SLMAP: variants seen among roughly 807,000 people sequenced by gnomAD.
SLMAP encodes sarcolemmal membrane-associated protein.
SLMAP carries 44 observed loss-of-function variants against 128.8 expected under a neutral mutation model. The observed-to-expected ratio is 0.34, with a 90% confidence interval of 0.27 to 0.44. The LOEUF is 0.44. Among genes scored for constraint, SLMAP ranks in the 20% least tolerant of loss-of-function variants. The pLI, the probability that SLMAP is intolerant of heterozygous loss-of-function variation, is 1.00. For synonymous variants in SLMAP, 327 were observed against 348.8 expected (o/e 0.94, Z 0.70); for missense variants, 787 against 985.3 (o/e 0.80, Z 2.69).
chr3:57,804,610 T>C (rs1347816527), intron 2 of SLMAP, among the ~76,000 whole-genome samples: 1 of 151,962 alleles, frequency 6.6e-6, no homozygotes, highest in Admixed American at 6.6e-5. Context: ...CTGAGTGTAG[T>C]GTTGTGCACT....
intron 3 of SLMAP, among the ~76,000 whole-genome samples, chr3:57,836,669 G>A (rs757512672): frequency 1.3e-5 from 2 of 152,166 alleles, no homozygotes; most frequent in Non-Finnish European, 2.9e-5. Flanking sequence ...GGCATTCTTT[G>A]TGTATGGCTT....
chr3:57,893,022 A>G (rs1196849075), intron 15 of SLMAP, among the ~76,000 whole-genome samples: 2 of 151,388 alleles, frequency 1.3e-5, no homozygotes, highest in Admixed American at 1.3e-4. Context: ...TTTAGTAGAG[A>G]TGGAGTTTCA....
At chr3:57,785,151 T>C (rs1346050043) in intron 2 of SLMAP, among the ~76,000 whole-genome samples, 3 of 152,354 alleles carry the variant, frequency 2.0e-5, no homozygotes, top group Middle Eastern at 6.8e-3. Context: ...AAACGTTTAC[T>C]TGGTTTTAGA....
chr3:57,904,554 G>A (rs1384505084), intron 17 of SLMAP, among the ~76,000 whole-genome samples: 1 of 152,134 alleles, frequency 6.6e-6, no homozygotes, highest in East Asian at 1.9e-4. Context: ...ATTAACATGG[G>A]TACATTACTA....
At chr3:57,793,079 CA>C (rs2085891443) in intron 2 of SLMAP, among the ~76,000 whole-genome samples, 1 of 151,858 alleles carries the variant, frequency 6.6e-6, no homozygotes, top group South Asian at 2.1e-4. Flanking sequence ...GCCGAAGTTG[CA>C]GTGAGCCAAG....
intron 21 of SLMAP, among the ~76,000 whole-genome samples, chr3:57,916,110 C>G (rs892645938): frequency 1.3e-5 from 2 of 149,836 alleles, no homozygotes; most frequent in African/African-American, 4.9e-5. Context: ...GAGCCGAGAT[C>G]ACACCATTGC....
chr3:57,757,603 G>A lies in SLMAP; in HGVS notation c.-49G>A. The A allele has an allele frequency of 1.3e-6, 2 of 1,589,180 alleles. No individual in the cohort carries two copies. The highest frequency in any genetic ancestry group is 1.7e-6 in the Non-Finnish European group (2 of 1,160,450). ...TTGTGAAGGGCAGTCCGGATCCGGA[G>A]GAACTCCTCTTTGTCCCTGGTAGGA... is the stretch of plus-strand genomic sequence containing the variant. On this transcript the variant is annotated 5_prime_UTR_variant, in exon 2 of 25. Transcript: ENST00000671191.
At chr3:57,806,716 A>G (rs1296934254) in intron 2 of SLMAP, among the ~76,000 whole-genome samples, 2 of 152,180 alleles carry the variant, frequency 1.3e-5, no homozygotes, top group Non-Finnish European at 2.9e-5. Context: ...CAGGGACCAC[A>G]GGCATGAGCC....
In SLMAP at chr3:57,927,436, C is replaced by T. The variant is rs1254789053; in HGVS notation, c.*147C>T. On this transcript the variant is annotated 3_prime_UTR_variant, in exon 25 of 25. Transcript: ENST00000671191. ...CCGTCCTCCCTCTAGAAGCTGGCAT[C>T]ACACTCATGCTGGGGACAAACAGAA... 2 of 1,164,998 alleles carry T rather than the reference C, an allele frequency of 1.7e-6. No homozygotes were observed. Among genetic ancestry groups the T allele is most frequent in the African/African-American group, 1.5e-5 (1 of 66,826 alleles). The allele number at this position is 1,164,998 out of a possible 1,614,324, so 72.2% of individuals were successfully genotyped here. A position where few individuals can be genotyped will look rare whatever the true frequency, so the allele number is the denominator to read the frequency against.
chr3:57,899,955 ATTACTGGTAC>A (rs2096334184), intron 17 of SLMAP: 1 of 151,082 alleles, frequency 6.6e-6, no homozygotes, highest in Admixed American at 6.6e-5. Context: ...AAAGTGATGT[ATTACTGGTAC>A]TTTTTAGAAA....
At position 57,819,755 on chromosome 3, in the gene SLMAP, TTTG is replaced by T. The variant is rs998331159; in HGVS notation, c.199-11619_199-11617del. Among the ~76,000 whole-genome samples the T allele has an allele frequency of 2.1e-3, 327 of 152,268 alleles. 1 individual carries two copies. The highest frequency in any genetic ancestry group is 7.6e-3 in the African/African-American group (317 of 41,552). On this transcript the variant is annotated intron_variant, in intron 2 of 24. Coordinates refer to ENST00000671191, the MANE Select transcript of SLMAP (RefSeq NM_001377540.1). ...GTTATTCTATGGGTAAGGTGTTGTT[TTTG>T]TTGTTGTTTGTTTTGAGACAGGGTC...
chr3:57,926,076 T>C, intron 24 of SLMAP, 142 bp downstream of exon 24: 1 of 651,336 alleles, frequency 1.5e-6, no homozygotes, highest in Non-Finnish European at 2.8e-6. Flanking sequence ...TGTATTTGTG[T>C]CATACCAATG....
intron 23 of SLMAP, among the ~76,000 whole-genome samples, chr3:57,924,067 A>G (rs1341543854): frequency 6.6e-6 from 1 of 152,206 alleles, no homozygotes; most frequent in African/African-American, 2.4e-5. Context: ...GTGTTAATTC[A>G]TATCCCTGGG....
chr3:57,890,254 A>C, intron 15 of SLMAP, 154 bp downstream of exon 15: 1 of 579,926 alleles, frequency 1.7e-6, no homozygotes, highest in Non-Finnish European at 3.0e-6. Context: ...ATATAAAATA[A>C]TCAGACTTCT....
intron 6 of SLMAP, among the ~76,000 whole-genome samples, chr3:57,856,666 T>C (rs2094806318): frequency 1.5e-5 from 2 of 135,452 alleles, no homozygotes; most frequent in Non-Finnish European, 3.6e-5. Context: ...ACAGTTAATG[T>C]TTTTTTCTTT....
chr3:57,801,195 T>C (rs2088246495), intron 2 of SLMAP: 1 of 153,208 alleles, frequency 6.5e-6, no homozygotes, highest in Non-Finnish European at 1.5e-5. Context: ...CTGTCATTTT[T>C]GGTGACAATA....
At chr3:57,812,241 TTTTTGTATA>T (rs1212004204) in intron 2 of SLMAP, among the ~76,000 whole-genome samples, 1 of 152,224 alleles carries the variant, frequency 6.6e-6, no homozygotes, top group Non-Finnish European at 1.5e-5. Context: ...TTTGAGTTCA[TTTTTGTATA>T]TAGTGTTACG....
At chr3:57,881,087 A>G (rs1435490844) in intron 14 of SLMAP, among the ~76,000 whole-genome samples, 6 of 151,794 alleles carry the variant, frequency 4.0e-5, no homozygotes, top group African/African-American at 1.5e-4. Context: ...CCAGCTACTC[A>G]GGAGGCTGAG....
chr3:57,918,620 A>G (rs2096858159), intron 22 of SLMAP: 1 of 152,232 alleles, frequency 6.6e-6, no homozygotes, highest in Non-Finnish European at 1.5e-5. Context: ...CATGTTGGAT[A>G]CTATATACTA....
Sources: allele counts gnomAD v4.1 joint callset (sites outside exome capture counted in the v4.1 genomes callset), GRCh38; gene constraint gnomAD v4.1.1; transcripts MANE v1.5; gene names NCBI Gene and HGNC (gene_info 2026-07-23, HGNC 2026-07-21).